Variants in PRUNE2 observed in about 807,000 individuals in gnomAD.
The protein encoded by PRUNE2 is prune homolog 2 with BCH domain.
PRUNE2 carries 164 observed loss-of-function variants against 252.0 expected under a neutral mutation model. That is an observed-to-expected ratio of 0.65 (90% CI 0.57 to 0.74). The LOEUF (loss-of-function observed/expected upper bound fraction) is 0.74, where lower values mean the gene tolerates loss of function less well. PRUNE2 is among the 30% of genes least tolerant of loss of function. PRUNE2 has a pLI of 0.00. For synonymous variants in PRUNE2, 1,292 were observed against 1,350.2 expected, an observed-to-expected ratio of 0.96 and a Z score of 0.94; for missense variants, 3,495 against 3,711.0, an observed-to-expected ratio of 0.94 and a Z score of 1.51.
At chr9:76,856,321 C>T (rs2060248086) in intron 1 of PRUNE2, 1 of 152,230 alleles carries the variant, frequency 6.6e-6, no homozygotes, top group Non-Finnish European at 1.5e-5. Flanking sequence ...GAATGAAATA[C>T]AGCAAGACTT....
chr9:76,785,169 T>C (rs1008462193), intron 6 of PRUNE2: 5 of 152,222 alleles, frequency 3.3e-5, no homozygotes, highest in Admixed American at 3.3e-4. Flanking sequence ...AACTTGTAAT[T>C]CCTTGAACAT....
At chr9:76,686,181 G>A (rs903352874) in intron 9 of PRUNE2, among the ~76,000 whole-genome samples, 5 of 152,100 alleles carry the variant, frequency 3.3e-5, no homozygotes, top group African/African-American at 1.2e-4. Context: ...AGATATTCAG[G>A]GAAGAAAATG....
At position 76,644,873 on chromosome 9, in the gene PRUNE2, T is replaced by G; in HGVS notation, c.8594A>C (p.Glu2865Ala). The change falls in exon 12 of 19, where the codon GAG becomes GCG. Residue 2865 changes from glutamate to alanine, a missense_variant. Transcript: ENST00000376718. ...TANKDSGQES[E>A]SIPEYTAEEE... Reference sequence around the variant, plus strand: ...TTCGGCCGTATATTCTGGAATAGACTCTGACTCTTGGCCAGAATCTTTGTT... The same window carrying G: ...TTCGGCCGTATATTCTGGAATAGACGCTGACTCTTGGCCAGAATCTTTGTT... 6.2e-7 allele frequency: 1 copy of G among 1,613,892 alleles called. No homozygotes were observed. The highest frequency in any genetic ancestry group is 8.5e-7 in the Non-Finnish European group (1 of 1,179,852).
intron 12 of PRUNE2, among the ~76,000 whole-genome samples, chr9:76,640,156 A>T (rs1283723858): frequency 6.6e-6 from 1 of 152,230 alleles, no homozygotes; most frequent in Non-Finnish European, 1.5e-5. Flanking sequence ...GACAGGACAT[A>T]CGCTTAAGCC....
intron 10 of PRUNE2, among the ~76,000 whole-genome samples, chr9:76,653,866 A>G (rs1848323043): frequency 6.6e-6 from 1 of 152,290 alleles, no homozygotes; most frequent in Admixed American, 6.5e-5. Flanking sequence ...TGTAGTATGC[A>G]TCTTCCCGCT....
rs144279707 is a variant in PRUNE2 at position 76,827,745 on chromosome 9, A to C, written c.509-1013T>G. Among the ~76,000 whole-genome samples the C allele has an allele frequency of 3.4e-3, 519 of 152,328 alleles. 1 individual carries two copies. The highest frequency in any genetic ancestry group is 0.01 in the African/African-American group (418 of 41,586). ...CTGAGACCTACAGAACCTAGAGATGAGGTCTACATTTACCATCAAACATGC... is the reference window on the plus strand; with the variant it reads ...CTGAGACCTACAGAACCTAGAGATGCGGTCTACATTTACCATCAAACATGC... On this transcript the variant is annotated intron_variant, in intron 4 of 18. Coordinates refer to ENST00000376718, the MANE Select transcript of PRUNE2 (RefSeq NM_015225.3).
chr9:76,876,976 T>C (rs80212066), intron 1 of PRUNE2, among the ~76,000 whole-genome samples: 5,442 of 152,226 alleles, frequency 0.036, 135 homozygotes, highest in Middle Eastern at 0.068. Flanking sequence ...GCAGGAGACA[T>C]AGGATACTGA....
At chr9:76,817,439 G>T (rs971006262) in intron 6 of PRUNE2, among the ~76,000 whole-genome samples, 1 of 152,162 alleles carries the variant, frequency 6.6e-6, no homozygotes, top group South Asian at 2.1e-4. Context: ...TCTATTTGAT[G>T]ACATTTTTCA....
intron 9 of PRUNE2, among the ~76,000 whole-genome samples, chr9:76,660,452 T>C (rs922151269): frequency 6.6e-6 from 1 of 152,142 alleles, no homozygotes; most frequent in Non-Finnish European, 1.5e-5. Context: ...AAAATTCATC[T>C]AGGATCACTG....
intron 6 of PRUNE2, among the ~76,000 whole-genome samples, chr9:76,772,954 T>C (rs144786228): frequency 0.014 from 2,098 of 152,336 alleles, 22 homozygotes; most frequent in Non-Finnish European, 0.023. Flanking sequence ...ACCAAGTCAC[T>C]TTTTGCTCCT....
At chr9:76,743,630 A>G (rs2049847716) in intron 6 of PRUNE2, among the ~76,000 whole-genome samples, 1 of 152,240 alleles carries the variant, frequency 6.6e-6, no homozygotes, top group Non-Finnish European at 1.5e-5. Flanking sequence ...ATATTAAAAG[A>G]TTGATATAAA....
intron 15 of PRUNE2, among the ~76,000 whole-genome samples, chr9:76,634,637 C>T (rs1839208572): frequency 6.6e-6 from 1 of 152,180 alleles, no homozygotes; most frequent in African/African-American, 2.4e-5. Flanking sequence ...TTTCTCTGGA[C>T]AAATACTGTC....
intron 1 of PRUNE2, among the ~76,000 whole-genome samples, chr9:76,878,376 C>T (rs1359764139): frequency 1.3e-5 from 2 of 152,178 alleles, no homozygotes; most frequent in African/African-American, 4.8e-5. Context: ...GAAGCGATTG[C>T]CCTCTTGGCT....
At position 76,690,542 on chromosome 9, in the gene PRUNE2, T is replaced by G. The variant is rs772651793; in HGVS notation, c.8276+12795A>C. Among the ~76,000 whole-genome samples, 73 of 152,322 alleles carry G rather than the reference T, an allele frequency of 4.8e-4. 2 individuals carry two copies. Among genetic ancestry groups the G allele is most frequent in the Non-Finnish European group, 8.4e-4 (57 of 68,032 alleles). On this transcript the variant is annotated intron_variant, in intron 9 of 18. Transcript: ENST00000376718. ...GTACTGTGATCTCTTATTGGAGAGA[T>G]AATCTTCCCAGGAGTACAAAGCCAC...
chr9:76,745,134 G>A (rs1208516881), intron 6 of PRUNE2, among the ~76,000 whole-genome samples: 2 of 152,160 alleles, frequency 1.3e-5, no homozygotes, highest in African/African-American at 4.8e-5. Context: ...AGTGAAAGAG[G>A]TCTGATTTAA....
chr9:76,811,061 A>G (rs1194694420), intron 6 of PRUNE2, among the ~76,000 whole-genome samples: 1 of 152,236 alleles, frequency 6.6e-6, no homozygotes, highest in Non-Finnish European at 1.5e-5. Flanking sequence ...ATAAATGAGA[A>G]GAAGTAAGCA....
chr9:76,783,379 C>T (rs1174692614), intron 6 of PRUNE2, among the ~76,000 whole-genome samples: 2 of 152,046 alleles, frequency 1.3e-5, no homozygotes, highest in Non-Finnish European at 2.9e-5. Context: ...TCAGGTGACC[C>T]ACCTGCCTCA....
intron 9 of PRUNE2, among the ~76,000 whole-genome samples, chr9:76,671,387 G>T (rs1181249177): frequency 6.7e-6 from 1 of 150,314 alleles, no homozygotes; most frequent in Non-Finnish European, 1.5e-5. Flanking sequence ...AAGCCTCCAA[G>T]AAATATGGGA....
chr9:76,839,119 G>A (rs918860955), intron 4 of PRUNE2, among the ~76,000 whole-genome samples: 1 of 152,132 alleles, frequency 6.6e-6, no homozygotes, highest in Non-Finnish European at 1.5e-5. Context: ...CATTAAGAAT[G>A]TTAGAAGGAT....
Sources: allele counts gnomAD v4.1 joint callset (sites outside exome capture counted in the v4.1 genomes callset), GRCh38; gene constraint gnomAD v4.1.1; transcripts MANE v1.5; gene names NCBI Gene and HGNC (gene_info 2026-07-23, HGNC 2026-07-21).